The following SERINC5 variants were observed in gnomAD, a reference collection of about 807,000 sequenced individuals.
SERINC5 encodes the protein serine incorporator 5, also known as chromosome 5 open reading frame 12.
Under a neutral mutation model 63.1 loss-of-function variants are expected in SERINC5, and 41 were observed. That is an observed-to-expected ratio of 0.65 (90% CI 0.51 to 0.84). The LOEUF (loss-of-function observed/expected upper bound fraction) is 0.84, where lower values mean the gene tolerates loss of function less well. SERINC5 is among the 40% of genes least tolerant of loss of function. The probability of loss-of-function intolerance (pLI) is 0.00; values close to 1 mark genes in which losing one functional copy is unlikely to be tolerated. For synonymous variants in SERINC5, 222 were observed against 215.2 expected (o/e 1.03, Z -0.28); for missense variants, 523 against 573.0 (o/e 0.91, Z 0.89).
At chr5:80,163,419 C>A (rs2112362713) in intron 7 of SERINC5, among the ~76,000 whole-genome samples, 1 of 152,236 alleles carries the variant, frequency 6.6e-6, no homozygotes, top group East Asian at 1.9e-4. Context: ...GTTCAGTTCT[C>A]AAAAGTAATG....
intron 2 of SERINC5, among the ~76,000 whole-genome samples, chr5:80,193,117 T>C (rs545770560): frequency 1.6e-4 from 24 of 152,240 alleles, no homozygotes; most frequent in Non-Finnish European, 3.2e-4. Flanking sequence ...TCTGAAAGAA[T>C]GACAGCTAGG....
At chr5:80,220,230 AAAGAG>A (rs571727816) in intron 1 of SERINC5, among the ~76,000 whole-genome samples, 1,054 of 94,110 alleles carry the variant, frequency 0.011, 6 homozygotes, top group South Asian at 0.02. Context: ...TAAAAAAAAA[AAAGAG>A]AGAGAGAGAT....
Position 80,149,389 on chromosome 5 carries a change from A to AC in SERINC5, c.1053+1492_1053+1493insG, listed in dbSNP as rs1554060321. On this transcript the variant is annotated intron_variant, in intron 9 of 11. Coordinates refer to ENST00000507668, the MANE Select transcript of SERINC5 (RefSeq NM_001174072.3). ...AAGAGTTGGTGAATGATGTTGGCAG[A>AC]TGACAGCCCTTCATAATGGCTCACT... Among the ~76,000 whole-genome samples, 10 of 152,334 alleles carry AC rather than the reference A, an allele frequency of 6.6e-5. No individual in the cohort carries two copies. In the East Asian group the frequency reaches 1.7e-3, roughly 26 times the overall value.
intron 5 of SERINC5, among the ~76,000 whole-genome samples, chr5:80,174,410 A>T (rs1416543214): frequency 1.3e-5 from 2 of 149,648 alleles, no homozygotes; most frequent in Non-Finnish European, 3.0e-5. Flanking sequence ...AATAAAAGAA[A>T]AAGAAAACAA....
chr5:80,200,322 C>CA (rs11397908), intron 2 of SERINC5, among the ~76,000 whole-genome samples: 3,405 of 136,430 alleles, frequency 0.025, 149 homozygotes, highest in African/African-American at 0.08. Context: ...CTAAAAAATA[C>CA]AAAAAAAAAA....
At chr5:80,243,759 A>ATAAG (rs1216003373) in intron 1 of SERINC5, among the ~76,000 whole-genome samples, 1 of 150,040 alleles carries the variant, frequency 6.7e-6, no homozygotes, top group Non-Finnish European at 1.5e-5. Flanking sequence ...AAATAAATAA[A>ATAAG]TAAATAAATA....
rs796769914 is a variant in SERINC5, at chr5:80,148,189, C to CTTTTTTTTTTTTT, written c.1054-918_1054-906dup. Among the ~76,000 whole-genome samples, 187 of 102,296 alleles carry CTTTTTTTTTTTTT rather than the reference C, an allele frequency of 1.8e-3. 7 individuals carry two copies. The highest frequency in any genetic ancestry group is 3.5e-3 in the African/African-American group (92 of 26,048). 67.1% of individuals were successfully genotyped at this position (102,296 alleles called of 152,430 possible). On this transcript the variant is annotated intron_variant, in intron 9 of 11. Transcript: ENST00000507668. ...TCTGGTACCTTGCGTATTTTTTATT[C>CTTTTTTTTTTTTT]TTTTTTTTTTTTTTTTTTGAGATGG... is the stretch of plus-strand genomic sequence containing the variant.
chr5:80,176,312 C>G (rs1561396619), intron 4 of SERINC5, among the ~76,000 whole-genome samples: 1 of 152,206 alleles, frequency 6.6e-6, no homozygotes. Flanking sequence ...TTTTAGGTAA[C>G]AGCAAGACTT....
intron 9 of SERINC5, among the ~76,000 whole-genome samples, chr5:80,148,174 T>C (rs182299956): frequency 6.7e-6 from 1 of 148,732 alleles, no homozygotes; most frequent in African/African-American, 2.5e-5. Context: ...TCTGGTACCT[T>C]GCGTATTTTT....
In SERINC5 at chr5:80,169,945, T is replaced by C. The variant is rs146145925; in HGVS notation, c.552-399A>G. Among the ~76,000 whole-genome samples the C allele has an allele frequency of 1.5e-3, 232 of 152,276 alleles. 1 individual carries two copies. Among genetic ancestry groups the C allele is most frequent in the African/African-American group, 5.4e-3 (226 of 41,558 alleles). The stretch of plus-strand genomic sequence containing the variant: ...CACAAGTCACAGAATCTTCTGTGGC[T>C]GGTGCTCCCAAAGAGGTTGCAGAAG... On this transcript the variant is annotated intron_variant, in intron 5 of 11. Transcript: ENST00000507668.
intron 1 of SERINC5, among the ~76,000 whole-genome samples, chr5:80,244,918 G>T (rs1752105422): frequency 6.6e-6 from 1 of 152,110 alleles, no homozygotes; most frequent in Non-Finnish European, 1.5e-5. Flanking sequence ...CGACCTCCTG[G>T]GCTCAAGCGA....
rs12521674 is a variant in SERINC5, at chr5:80,142,414, A to G, written c.*1249T>C. 0.56 allele frequency: 500,103 copies of G among 898,480 alleles called. 140,090 individuals carry two copies. Among genetic ancestry groups the G allele is most frequent in the African/African-American group, 0.63 (34,880 of 55,328 alleles). 55.7% of individuals were successfully genotyped at this position (898,480 alleles called of 1,614,324 possible). Reference sequence around the variant, plus strand: ...TGCCCGGCTAATTTTTCTATTTTTAATAGAGACAGGGTTTCACCATGTTAG... The same window carrying G: ...TGCCCGGCTAATTTTTCTATTTTTAGTAGAGACAGGGTTTCACCATGTTAG... On this transcript the variant is annotated 3_prime_UTR_variant, in exon 12 of 12. Transcript: ENST00000507668.
intron 1 of SERINC5, among the ~76,000 whole-genome samples, chr5:80,249,588 A>C (rs1472359807): frequency 6.6e-6 from 1 of 152,114 alleles, no homozygotes; most frequent in Non-Finnish European, 1.5e-5. Context: ...AGATCACCTG[A>C]GATCAGGAGT....
At chr5:80,236,213 C>T (rs557638166) in intron 1 of SERINC5, among the ~76,000 whole-genome samples, 12 of 152,252 alleles carry the variant, frequency 7.9e-5, no homozygotes, top group African/African-American at 2.9e-4. Flanking sequence ...GTGGGCCAGC[C>T]ACTGTTCCAA....
chr5:80,223,515 T>C (rs1554070184), intron 1 of SERINC5, among the ~76,000 whole-genome samples: 2 of 152,212 alleles, frequency 1.3e-5, no homozygotes, highest in Non-Finnish European at 2.9e-5. Context: ...TGACTATATA[T>C]ATCATCATAT....
At chr5:80,217,582 A>C (rs1432106898) in intron 1 of SERINC5, among the ~76,000 whole-genome samples, 3 of 152,330 alleles carry the variant, frequency 2.0e-5, no homozygotes, top group African/African-American at 7.2e-5. Flanking sequence ...TCTCCCCACC[A>C]AACGAAATTC....
intron 1 of SERINC5, among the ~76,000 whole-genome samples, chr5:80,241,943 G>A (rs1243661271): frequency 1.3e-5 from 2 of 151,364 alleles, no homozygotes; most frequent in African/African-American, 4.9e-5. Flanking sequence ...GGGCAACATA[G>A]TAAGACCGTG....
intron 1 of SERINC5, among the ~76,000 whole-genome samples, chr5:80,203,693 G>C (rs887414928): frequency 1.2e-4 from 18 of 152,116 alleles, no homozygotes; most frequent in Non-Finnish European, 2.6e-4. Flanking sequence ...TTGGTCTGGT[G>C]CAAGGGCTTC....
chr5:80,151,812 T>C (rs1413239800), intron 8 of SERINC5, among the ~76,000 whole-genome samples: 1 of 152,214 alleles, frequency 6.6e-6, no homozygotes, highest in Non-Finnish European at 1.5e-5. Context: ...CCTGCCGTCA[T>C]GTAGCTTCTG....
Sources: allele counts gnomAD v4.1 joint callset (sites outside exome capture counted in the v4.1 genomes callset), GRCh38; gene constraint gnomAD v4.1.1; transcripts MANE v1.5; gene names NCBI Gene and HGNC (gene_info 2026-07-23, HGNC 2026-07-21).